The following COG6 variants were observed in gnomAD, a reference collection of about 807,000 sequenced individuals.
The protein encoded by COG6 is conserved oligomeric Golgi complex subunit 6.
In COG6, 74 loss-of-function variants were observed where a neutral mutation model predicts 88.8. That is an observed-to-expected ratio of 0.83 (90% CI 0.69 to 1.01). The LOEUF (loss-of-function observed/expected upper bound fraction) is 1.01, where lower values mean the gene tolerates loss of function less well. Among genes scored for constraint, COG6 ranks in the 50% least tolerant of loss-of-function variants. The probability of loss-of-function intolerance (pLI) is 0.00; values close to 1 mark genes in which losing one functional copy is unlikely to be tolerated. For synonymous variants in COG6, 286 were observed against 278.7 expected (o/e 1.03, Z -0.26); for missense variants, 800 against 797.9 (o/e 1.00, Z -0.03).
chr13:39,684,766 A>G (rs1286650722), intron 8 of COG6, among the ~76,000 whole-genome samples: 2 of 152,192 alleles, frequency 1.3e-5, no homozygotes, highest in Non-Finnish European at 2.9e-5. Flanking sequence ...GTAATGTATA[A>G]AAGTTTCACT....
chr13:39,668,463 T>C (rs774844601), intron 4 of COG6, among the ~76,000 whole-genome samples: 8 of 152,180 alleles, frequency 5.3e-5, no homozygotes, highest in Non-Finnish European at 1.0e-4. Context: ...TTAAACTTTA[T>C]ATTTTGAGAT....
intron 4 of COG6, among the ~76,000 whole-genome samples, chr13:39,674,121 T>G (rs1242099569): frequency 6.6e-6 from 1 of 152,088 alleles, no homozygotes; most frequent in African/African-American, 2.4e-5. Context: ...TGCAGGTTTG[T>G]TACATATGTA....
chr13:39,683,933 C>T (rs969579194), intron 8 of COG6, among the ~76,000 whole-genome samples: 2 of 152,132 alleles, frequency 1.3e-5, no homozygotes, highest in Non-Finnish European at 2.9e-5. Flanking sequence ...CCTTTATAAG[C>T]TTGTTTCCTT....
At chr13:39,769,492 A>G (rs1215638372) in intron 18 of COG6, among the ~76,000 whole-genome samples, 1 of 152,252 alleles carries the variant, frequency 6.6e-6, no homozygotes, top group African/African-American at 2.4e-5. Context: ...TAGGAATTAT[A>G]AATTGCATTA....
intron 12 of COG6, among the ~76,000 whole-genome samples, chr13:39,696,989 A>G (rs1296103691): frequency 2.7e-5 from 4 of 147,844 alleles, no homozygotes; most frequent in African/African-American, 1.0e-4. Flanking sequence ...ATGAGGAGTC[A>G]AGGATGAATT....
At chr13:39,682,124 C>A in intron 7 of COG6, 47 bp from the exon 8 acceptor site, 1 of 1,325,850 alleles carries the variant, frequency 7.5e-7, no homozygotes, top group Non-Finnish European at 1.1e-6. Context: ...ACATAATAAA[C>A]ATCTAAGCTG....
intron 18 of COG6, among the ~76,000 whole-genome samples, chr13:39,779,576 GAT>G: frequency 6.6e-6 from 1 of 152,324 alleles, no homozygotes; most frequent in South Asian, 2.1e-4. Flanking sequence ...ACATCATGGA[GAT>G]GAGAAAGACC....
chr13:39,714,094 CT>C (rs1442136802), intron 13 of COG6, among the ~76,000 whole-genome samples: 5 of 152,256 alleles, frequency 3.3e-5, no homozygotes, highest in African/African-American at 1.2e-4. Flanking sequence ...TAAATTTAAA[CT>C]CCTTAAAGAC....
Position 39,687,646 on chromosome 13 carries a change from C to G in COG6, c.917+15C>G. 12 of 1,613,862 alleles carry G rather than the reference C, an allele frequency of 7.4e-6. No individual in the cohort carries two copies. Among genetic ancestry groups the G allele is most frequent in the Non-Finnish European group, 1.0e-5 (12 of 1,179,972 alleles). ...GACCCTTTGAGGTATAGTAATCAGA[C>G]AGCAGAAGAGGAGTTGATGTTTTTC... On this transcript the variant is annotated intron_variant, in intron 9 of 18. Transcript: ENST00000455146.
chr13:39,675,741 T>C (rs1875930527), intron 4 of COG6, among the ~76,000 whole-genome samples: 1 of 152,094 alleles, frequency 6.6e-6, no homozygotes. Flanking sequence ...GCCTAATAAA[T>C]TGATTCTAAA....
intron 12 of COG6, among the ~76,000 whole-genome samples, chr13:39,696,956 A>G (rs112392400): frequency 2.8e-4 from 42 of 147,470 alleles, no homozygotes; most frequent in African/African-American, 1.0e-3. Flanking sequence ...TAGGACATGT[A>G]TACATACTAG....
chr13:39,683,752 A>AG (rs1876458339), intron 8 of COG6, among the ~76,000 whole-genome samples: 1 of 151,988 alleles, frequency 6.6e-6, no homozygotes, highest in East Asian at 1.9e-4. Context: ...TGTATTAAAA[A>AG]AAAAAAGCCT....
At chr13:39,778,138 A>T (rs985927377) in intron 18 of COG6, among the ~76,000 whole-genome samples, 7 of 152,222 alleles carry the variant, frequency 4.6e-5, no homozygotes, top group Non-Finnish European at 8.8e-5. Flanking sequence ...AATAGTTTAT[A>T]AAAAATAGTT....
chr13:39,684,850 A>G (rs1184331071), intron 8 of COG6, among the ~76,000 whole-genome samples: 1 of 152,226 alleles, frequency 6.6e-6, no homozygotes, highest in Non-Finnish European at 1.5e-5. Context: ...CCGTGGGGAA[A>G]GTTGCCATAC....
chr13:39,716,890 A>G (rs539166465), intron 13 of COG6, among the ~76,000 whole-genome samples: 1 of 152,312 alleles, frequency 6.6e-6, no homozygotes, highest in East Asian at 1.9e-4. Context: ...AGAGTTATGA[A>G]CAAAAAATAC....
intron 18 of COG6, among the ~76,000 whole-genome samples, chr13:39,737,925 G>A (rs1879848831): frequency 2.0e-5 from 3 of 152,092 alleles, no homozygotes; most frequent in Admixed American, 1.3e-4. Flanking sequence ...GCTTTCTGCT[G>A]TGACAGGGCA....
chr13:39,665,290 C>A, intron 4 of COG6, 136 bp downstream of exon 4: 5 of 618,658 alleles, frequency 8.1e-6, no homozygotes, highest in Non-Finnish European at 1.5e-5. Context: ...TATTATATTA[C>A]CCAATAGTAA....
intron 3 of COG6, 33 bp from the exon 4 acceptor site, chr13:39,665,063 A>G: frequency 1.0e-6 from 1 of 990,706 alleles, no homozygotes; most frequent in South Asian, 1.3e-5. Flanking sequence ...TAAAATTGGA[A>G]TTTACTTATA....
At chr13:39,745,107 C>T (rs553894293) in intron 18 of COG6, among the ~76,000 whole-genome samples, 53 of 152,320 alleles carry the variant, frequency 3.5e-4, no homozygotes, top group African/African-American at 1.2e-3. Context: ...GGATTAAAGA[C>T]TTAAACGTTA....
Sources: gnomAD v4.1 joint callset for allele counts (sites outside exome capture counted in the v4.1 genomes callset) on GRCh38, gnomAD v4.1.1 for gene constraint, MANE v1.5 for transcripts, NCBI Gene and HGNC (gene_info 2026-07-23, HGNC 2026-07-21) for gene names.